The following GPC5 variants were observed in gnomAD, a reference collection of about 807,000 sequenced individuals.
GPC5 encodes the protein glypican 5.
In GPC5, 47 loss-of-function variants were observed where a neutral mutation model predicts 53.9. The ratio of observed to expected loss-of-function variants is 0.87; its 90% confidence interval spans 0.69 to 1.11. The LOEUF (loss-of-function observed/expected upper bound fraction) is 1.11, where lower values mean the gene tolerates loss of function less well. Among genes scored for constraint, GPC5 ranks in the 50% most tolerant of loss-of-function variants. GPC5 has a pLI of 0.00. For synonymous variants in GPC5, 286 were observed against 263.3 expected, an observed-to-expected ratio of 1.09 and a Z score of -0.84; for missense variants, 748 against 713.1, an observed-to-expected ratio of 1.05 and a Z score of -0.56.
At chr13:92,710,617 A>C (rs1888101926) in intron 7 of GPC5, among the ~76,000 whole-genome samples, 1 of 152,196 alleles carries the variant, frequency 6.6e-6, no homozygotes, top group Admixed American at 6.6e-5. Flanking sequence ...AAATTTTAGC[A>C]TGCATGGAAG....
At chr13:92,115,266 C>T (rs1029211044) in intron 6 of GPC5, among the ~76,000 whole-genome samples, 23 of 152,194 alleles carry the variant, frequency 1.5e-4, no homozygotes, top group African/African-American at 3.9e-4. Flanking sequence ...CCCAACACTT[C>T]GGGAGGCCGA....
chr13:92,724,043 TATG>T (rs1888572562), intron 7 of GPC5, among the ~76,000 whole-genome samples: 2 of 151,760 alleles, frequency 1.3e-5, no homozygotes, highest in South Asian at 2.1e-4. Flanking sequence ...TTTTAATGTT[TATG>T]TTGTATAAGT....
At chr13:92,458,303 T>TGGG (rs1357594343) in intron 7 of GPC5, among the ~76,000 whole-genome samples, 17 of 66,430 alleles carry the variant, frequency 2.6e-4, no homozygotes, top group African/African-American at 9.0e-4. Context: ...ATTCTTTTTT[T>TGGG]GGGGGGGGCA....
intron 2 of GPC5, among the ~76,000 whole-genome samples, chr13:91,641,529 G>A (rs2034430486): frequency 6.6e-6 from 1 of 152,196 alleles, no homozygotes; most frequent in Admixed American, 6.5e-5. Flanking sequence ...ATACCTACAT[G>A]ATGGGCTGAC....
intron 6 of GPC5, among the ~76,000 whole-genome samples, chr13:92,042,923 T>C (rs1273547846): frequency 2.0e-5 from 3 of 152,180 alleles, no homozygotes; most frequent in Non-Finnish European, 4.4e-5. Context: ...TACAAATTAT[T>C]AAAAAGAGCC....
intron 2 of GPC5, among the ~76,000 whole-genome samples, chr13:91,572,180 C>CAT (rs1491363993): frequency 2.4e-5 from 1 of 40,868 alleles, no homozygotes; most frequent in African/African-American, 4.6e-5. Flanking sequence ...TGTATATATA[C>CAT]GTGTGTATAC....
chr13:91,880,444 G>A (rs1360411840), intron 5 of GPC5, among the ~76,000 whole-genome samples: 1 of 151,886 alleles, frequency 6.6e-6, no homozygotes, highest in African/African-American at 2.4e-5. Flanking sequence ...AACTTAATAT[G>A]TAATTAGCAT....
intron 6 of GPC5, among the ~76,000 whole-genome samples, chr13:91,948,022 C>T (rs1311844927): frequency 2.0e-5 from 3 of 151,718 alleles, no homozygotes; most frequent in African/African-American, 7.3e-5. Flanking sequence ...TTACCAATGT[C>T]ACGTGACCAT....
intron 7 of GPC5, among the ~76,000 whole-genome samples, chr13:92,281,070 G>A (rs894681188): frequency 1.3e-5 from 2 of 152,212 alleles, no homozygotes; most frequent in Non-Finnish European, 2.9e-5. Context: ...TTTTCCAATG[G>A]TCTTAGCAAA....
rs557691851 is a variant in GPC5 at position 92,824,340 on chromosome 13, C to T, written c.1562-41942C>T. Among the ~76,000 whole-genome samples, 5 of 152,178 alleles carry T rather than the reference C, an allele frequency of 3.3e-5. No homozygotes were observed. The South Asian group carries it at 6.2e-4, about 19-fold the overall frequency. On this transcript the variant is annotated intron_variant, in intron 7 of 7. Transcript: ENST00000377067. ...AGCTGACCCCTTACCCCAGGGCCAC[C>T]TTTCTAAACTCAGTCCTGATGATTT...
intron 2 of GPC5, among the ~76,000 whole-genome samples, chr13:91,489,740 G>A (rs182328030): frequency 6.2e-4 from 95 of 152,244 alleles, no homozygotes; most frequent in African/African-American, 2.2e-3. Context: ...TAAGACAAAT[G>A]TTCATATTAT....
At chr13:92,756,202 G>C (rs1874862471) in intron 7 of GPC5, among the ~76,000 whole-genome samples, 2 of 152,066 alleles carry the variant, frequency 1.3e-5, no homozygotes, top group South Asian at 4.2e-4. Context: ...ATGTAATCCA[G>C]CATATAAACA....
At chr13:91,751,065 G>A (rs1300062477) in intron 4 of GPC5, among the ~76,000 whole-genome samples, 3 of 152,030 alleles carry the variant, frequency 2.0e-5, no homozygotes, top group African/African-American at 7.3e-5. Flanking sequence ...TAGATCCCTG[G>A]TTCTACTATT....
chr13:91,817,106 A>G (rs916245939), intron 5 of GPC5, among the ~76,000 whole-genome samples: 5 of 152,206 alleles, frequency 3.3e-5, no homozygotes, highest in African/African-American at 1.2e-4. Flanking sequence ...TAGGCACTTC[A>G]TAGGAATGCC....
chr13:91,960,168 A>C (rs1473744828), intron 6 of GPC5, among the ~76,000 whole-genome samples: 2 of 23,220 alleles, frequency 8.6e-5, no homozygotes, highest in Non-Finnish European at 1.8e-4. Flanking sequence ...TCTTATTCTA[A>C]AAAAAAAAAA....
intron 5 of GPC5, among the ~76,000 whole-genome samples, chr13:91,892,708 A>G (rs1436342261): frequency 1.3e-5 from 2 of 151,828 alleles, no homozygotes; most frequent in Admixed American, 6.6e-5. Context: ...TAGACTTTCT[A>G]TAAAATATAG....
rs1323023652 is a variant in GPC5 at position 91,478,822 on chromosome 13, T to TATATATAC, written c.325+29901_325+29902insTATATACA. On this transcript the variant is annotated intron_variant, in intron 2 of 7. Coordinates refer to ENST00000377067, the MANE Select transcript of GPC5 (RefSeq NM_004466.6). Reference sequence around the variant, plus strand: ...ATATATATATATATATATATATATATACACACACACACATATATATACACA... The same window carrying TATATATAC: ...ATATATATATATATATATATATATATATATATACACACACACACACATATATATACACA... Among the ~76,000 whole-genome samples, 41 of 92,160 alleles carry TATATATAC rather than the reference T, an allele frequency of 4.4e-4. 2 individuals carry two copies. Among genetic ancestry groups the TATATATAC allele is most frequent in the African/African-American group, 2.0e-3 (39 of 19,354 alleles). 60.5% of individuals were successfully genotyped at this position (92,160 alleles called of 152,430 possible).
intron 6 of GPC5, among the ~76,000 whole-genome samples, chr13:92,098,521 A>G (rs1273656142): frequency 6.6e-6 from 1 of 152,190 alleles, no homozygotes; most frequent in Non-Finnish European, 1.5e-5. Context: ...AAGGTATTTC[A>G]TATGTGACAC....
At chr13:91,501,212 T>C (rs1448954101) in intron 2 of GPC5, among the ~76,000 whole-genome samples, 1 of 151,922 alleles carries the variant, frequency 6.6e-6, no homozygotes, top group Non-Finnish European at 1.5e-5. Flanking sequence ...AGCAACTTCT[T>C]GCAGGAAAGC....
Sources: gnomAD v4.1 joint callset for allele counts (sites outside exome capture counted in the v4.1 genomes callset) on GRCh38, gnomAD v4.1.1 for gene constraint, MANE v1.5 for transcripts, NCBI Gene and HGNC (gene_info 2026-07-23, HGNC 2026-07-21) for gene names.